HYDIN: variants seen among roughly 807,000 people sequenced by gnomAD.
The protein encoded by HYDIN is HYDIN axonemal central pair apparatus protein.
Under a neutral mutation model 403.9 loss-of-function variants are expected in HYDIN, and 132 were observed. The ratio of observed to expected loss-of-function variants is 0.33; its 90% confidence interval spans 0.28 to 0.38. HYDIN has a LOEUF of 0.38. Ranked by LOEUF, HYDIN falls within the 10% of genes least tolerant of loss-of-function variation. The pLI is 1.00. For missense variants in HYDIN, 2,827 were observed against 5,009.5 expected (o/e 0.56, Z 13.15); for synonymous variants, 1,202 against 1,891.7 (o/e 0.64, Z 9.46).
chr16:70,866,198 T>G lies in HYDIN; in HGVS notation c.11442A>C (p.Glu3814Asp). The G allele has an allele frequency of 1.3e-6, 2 of 1,570,242 alleles. No homozygotes were observed. Among genetic ancestry groups the G allele is most frequent in the Non-Finnish European group, 1.7e-6 (2 of 1,150,116 alleles). Reference protein sequence around the residue: ...HCQARDVRFKETLVYQTRVFE... With the variant: ...HCQARDVRFKDTLVYQTRVFE... ...ACACTCGGGTCTGGTAAACCAAGGT[T>G]TCCTTAAAGCGCACATCTCTTGCTT... The change falls in exon 67 of 86, where the codon GAA (glutamate) becomes GAC (aspartate). Residue 3814 changes from glutamate to aspartate, a missense_variant. Physicochemically the swap from Glu to Asp is conservative, Grantham distance 45 (BLOSUM62 2). Coordinates refer to ENST00000393567, the MANE Select transcript of HYDIN (RefSeq NM_001270974.2).
At chr16:71,202,219 A>C (rs1201331682) in intron 1 of HYDIN, among the ~76,000 whole-genome samples, 2 of 152,214 alleles carry the variant, frequency 1.3e-5, no homozygotes, top group Non-Finnish European at 2.9e-5. Context: ...AGACACATGC[A>C]TGGTATGTGC....
chr16:70,837,107 T>A (rs1396600555), intron 77 of HYDIN, among the ~76,000 whole-genome samples: 3 of 152,182 alleles, frequency 2.0e-5, no homozygotes, highest in Non-Finnish European at 4.4e-5. Context: ...CCTTACACAT[T>A]TACTAGACAC....
At chr16:70,944,510 G>C (rs1462312456) in intron 41 of HYDIN, among the ~76,000 whole-genome samples, 4 of 152,162 alleles carry the variant, frequency 2.6e-5, no homozygotes, top group African/African-American at 9.7e-5. Context: ...CTTTCTGGGA[G>C]TGGACAGCAA....
intron 45 of HYDIN, among the ~76,000 whole-genome samples, chr16:70,925,668 C>A (rs936776181): frequency 2.7e-5 from 4 of 150,754 alleles, no homozygotes; most frequent in African/African-American, 9.7e-5. Flanking sequence ...TCAGAGTGAA[C>A]AGGCAACCTA....
intron 13 of HYDIN, among the ~76,000 whole-genome samples, chr16:71,073,561 A>G (rs189285020): frequency 8.5e-5 from 13 of 152,276 alleles, no homozygotes; most frequent in African/African-American, 1.4e-4. Context: ...TCTGTCCCCA[A>G]ATCCCAGACA....
At chr16:70,867,045 AAAAGAT>A (rs1277129364) in intron 66 of HYDIN, among the ~76,000 whole-genome samples, 2 of 151,020 alleles carry the variant, frequency 1.3e-5, no homozygotes, top group Non-Finnish European at 3.0e-5. Context: ...AAAAAAAAAA[AAAAGAT>A]AAACTATAAA....
At chr16:71,181,187 G>A (rs1469134615) in intron 3 of HYDIN, among the ~76,000 whole-genome samples, 2 of 147,010 alleles carry the variant, frequency 1.4e-5, no homozygotes, top group African/African-American at 5.0e-5. Context: ...AAAATTCAAT[G>A]CAATACATTA....
At chr16:70,938,503 G>C in intron 44 of HYDIN, 111 bp downstream of exon 44, 1 of 726,244 alleles carries the variant, frequency 1.4e-6, no homozygotes. Flanking sequence ...GCCTTCTGCA[G>C]CTCCTGCTGC....
At chr16:71,228,002 T>C (rs2041115466) in intron 1 of HYDIN, among the ~76,000 whole-genome samples, 1 of 151,940 alleles carries the variant, frequency 6.6e-6, no homozygotes, top group Non-Finnish European at 1.5e-5. Flanking sequence ...TCAGAAATAA[T>C]ACCACACATC....
At chr16:71,007,366 A>G (rs2458379) in intron 23 of HYDIN, among the ~76,000 whole-genome samples, 137 of 151,938 alleles carry the variant, frequency 9.0e-4, no homozygotes, top group African/African-American at 3.2e-3. Context: ...ATAGCACAAT[A>G]TTCAGGTAGA....
intron 4 of HYDIN, among the ~76,000 whole-genome samples, chr16:71,176,883 A>G (rs897353172): frequency 3.9e-5 from 6 of 152,168 alleles, no homozygotes; most frequent in Non-Finnish European, 8.8e-5. Context: ...TTTGTACCCC[A>G]CGACAGTGAG....
At chr16:70,914,082 T>C (rs1256338797) in intron 47 of HYDIN, among the ~76,000 whole-genome samples, 3 of 151,754 alleles carry the variant, frequency 2.0e-5, no homozygotes, top group Non-Finnish European at 4.4e-5. Flanking sequence ...TCTGCAGTTC[T>C]GTATCTTTTA....
At chr16:71,093,211 G>C (rs931527682) in intron 11 of HYDIN, among the ~76,000 whole-genome samples, 17 of 152,192 alleles carry the variant, frequency 1.1e-4, no homozygotes, top group African/African-American at 3.9e-4. Context: ...TAAAAAATGT[G>C]CCCTAGATAC....
intron 75 of HYDIN, among the ~76,000 whole-genome samples, chr16:70,847,558 C>T (rs189350997): frequency 2.4e-4 from 36 of 152,014 alleles, no homozygotes; most frequent in African/African-American, 7.7e-4. Context: ...TCCCCAAAAT[C>T]GGCAGAATAA....
intron 45 of HYDIN, among the ~76,000 whole-genome samples, chr16:70,922,760 A>T (rs1311029991): frequency 7.9e-4 from 117 of 147,834 alleles, no homozygotes; most frequent in African/African-American, 2.7e-3. Context: ...TTGGAAGTTT[A>T]TATGTCTTTA....
rs566965170 is a variant in HYDIN, at chr16:70,868,532, G to C, written c.11310+38C>G. On this transcript the variant is annotated intron_variant, in intron 66 of 85. Transcript: ENST00000393567. Reference sequence around the variant, plus strand: ...TGAGACCAGTAGGAATCCAAGCATGGAGGCCTGGTCAGATTGGTGCTTGAT... The same window carrying C: ...TGAGACCAGTAGGAATCCAAGCATGCAGGCCTGGTCAGATTGGTGCTTGAT... 1.2e-5 allele frequency: 19 copies of C among 1,582,662 alleles called. No individual in the cohort carries two copies. In the South Asian group the frequency reaches 1.9e-4, roughly 16 times the overall value.
At position 71,048,095 on chromosome 16, in the gene HYDIN, T is replaced by C. The variant is rs112725215; in HGVS notation, c.2529+12409A>G. Among the ~76,000 whole-genome samples, 459 of 147,526 alleles carry C rather than the reference T, an allele frequency of 3.1e-3. 6 individuals are homozygous for C. Among genetic ancestry groups the C allele is most frequent in the African/African-American group, 0.011 (423 of 40,144 alleles). On this transcript the variant is annotated intron_variant, in intron 18 of 85. Coordinates refer to ENST00000393567, the MANE Select transcript of HYDIN (RefSeq NM_001270974.2). Reference sequence around the variant, plus strand: ...CATATGAGTGAGAACATGTGGTATTTATCTTTCTGTGCCTGGCTTATTTCA... The same window carrying C: ...CATATGAGTGAGAACATGTGGTATTCATCTTTCTGTGCCTGGCTTATTTCA...
intron 18 of HYDIN, among the ~76,000 whole-genome samples, chr16:71,042,915 G>C (rs1408126599): frequency 6.6e-6 from 1 of 151,490 alleles, no homozygotes; most frequent in Non-Finnish European, 1.5e-5. Context: ...ATTCTCTCCT[G>C]TGTTTGAGCC....
intron 18 of HYDIN, among the ~76,000 whole-genome samples, chr16:71,047,531 G>C (rs1335261249): frequency 3.3e-5 from 5 of 151,864 alleles, no homozygotes; most frequent in African/African-American, 1.2e-4. Flanking sequence ...TGGTATCACT[G>C]TTATCCTCTT....
Sources: allele counts gnomAD v4.1 joint callset (sites outside exome capture counted in the v4.1 genomes callset), GRCh38; gene constraint gnomAD v4.1.1; transcripts MANE v1.5; gene names NCBI Gene and HGNC (gene_info 2026-07-23, HGNC 2026-07-21).